MAPK10: variants seen among roughly 807,000 people sequenced by gnomAD.
MAPK10 encodes mitogen-activated protein kinase 10.
A neutral mutation model predicts 59.3 loss-of-function variants in MAPK10; 25 were observed. The observed-to-expected ratio is 0.42, with a 90% CI of 0.31 to 0.59. The LOEUF is 0.59. Among genes scored for constraint, MAPK10 ranks in the 20% least tolerant of loss-of-function variants. The pLI is 0.15. For synonymous variants in MAPK10, 190 were observed against 200.5 expected (o/e 0.95, Z 0.44); for missense variants, 351 against 568.9 (o/e 0.62, Z 3.90).
chr4:86,394,952 T>C (rs1338686094), intron 1 of MAPK10, among the ~76,000 whole-genome samples: 8 of 152,194 alleles, frequency 5.3e-5, no homozygotes, highest in Admixed American at 3.9e-4. Flanking sequence ...TTCACGCACC[T>C]GTGCCCATTC....
chr4:86,182,865 A>C (rs1435610632), intron 3 of MAPK10, among the ~76,000 whole-genome samples: 1 of 152,096 alleles, frequency 6.6e-6, no homozygotes, highest in Non-Finnish European at 1.5e-5. Flanking sequence ...AAAAGCTCAT[A>C]ATAAGCAAGA....
chr4:86,089,254 T>C, intron 9 of MAPK10: 1 of 1,612,728 alleles, frequency 6.2e-7, no homozygotes, highest in East Asian at 2.2e-5. Flanking sequence ...TCTCCCATGA[T>C]GCACCCTACT....
Position 86,107,323 on chromosome 4 carries a change from T to C in MAPK10, c.266A>G (p.Asn89Ser), listed in dbSNP as rs1207966403. The C allele has an allele frequency of 1.2e-6, 2 of 1,613,168 alleles. No homozygotes were observed. The highest frequency in any genetic ancestry group is 1.3e-5 in the African/African-American group (1 of 74,862). ...CAAYDAVLDR[N>S]VAIKKLSRPF... ...TCTGCTGAGCTTCTTAATGGCCACA[T>C]TTCTGTCAAGGACAGCATCATACGC... is the stretch of plus-strand genomic sequence containing the variant. Residue 89 changes from asparagine (N) to serine (S), a missense_variant, in exon 5 of 14, where the codon AAT (asparagine) becomes AGT (serine). Physicochemically the swap from Asn to Ser is conservative, Grantham distance 46. Around this residue, in one of 5 missense-constraint regions of MAPK10, gnomAD observed 51 missense variants for 72.7 expected, o/e 0.70. Coordinates refer to ENST00000641462, the MANE Select transcript of MAPK10 (RefSeq NM_138982.4).
intron 9 of MAPK10, among the ~76,000 whole-genome samples, chr4:86,070,647 T>A (rs1451993971): frequency 6.7e-6 from 1 of 150,336 alleles, no homozygotes; most frequent in African/African-American, 2.4e-5. Context: ...CGGTGTTTGG[T>A]TTTTTGTTCT....
At position 86,589,999 on chromosome 4, in the gene MAPK10, A is replaced by G. The variant is rs970203327; in HGVS notation, c.-263+3911T>C. ...ACTCCATCTTAAAAAAAAAAAAAAA[A>G]GGGAATAGCAAAGACTTGGAAATAA... On this transcript the variant is annotated intron_variant, in intron 1 of 4. Transcript: ENST00000502302. Among the ~76,000 whole-genome samples, 379 of 151,398 alleles carry G rather than the reference A, an allele frequency of 2.5e-3. 1 individual carries two copies. The highest frequency in any genetic ancestry group is 8.7e-3 in the African/African-American group (361 of 41,330).
At chr4:86,514,546 T>C (rs1320385227) in intron 1 of MAPK10, among the ~76,000 whole-genome samples, 2 of 152,196 alleles carry the variant, frequency 1.3e-5, no homozygotes, top group African/African-American at 4.8e-5. Context: ...ATAGTGTACT[T>C]AAAACACTCT....
At chr4:86,154,741 C>G (rs1246254540) in intron 4 of MAPK10, among the ~76,000 whole-genome samples, 1 of 151,874 alleles carries the variant, frequency 6.6e-6, no homozygotes, top group Non-Finnish European at 1.5e-5. Flanking sequence ...CACTGATAAA[C>G]CACAATGGGA....
At chr4:86,165,518 AG>A (rs1193038917) in intron 3 of MAPK10, among the ~76,000 whole-genome samples, 2 of 131,032 alleles carry the variant, frequency 1.5e-5, no homozygotes, top group African/African-American at 5.6e-5. Context: ...CTGATACTAT[AG>A]GCACATGCCA....
intron 1 of MAPK10, among the ~76,000 whole-genome samples, chr4:86,367,938 ATAAAT>A (rs1336459184): frequency 2.0e-5 from 3 of 152,168 alleles, no homozygotes; most frequent in Non-Finnish European, 2.9e-5. Flanking sequence ...TATTACATTA[ATAAAT>A]TAAAGGTGCT....
intron 1 of MAPK10, among the ~76,000 whole-genome samples, chr4:86,377,167 G>C (rs868715455): frequency 1.8e-4 from 27 of 152,282 alleles, no homozygotes; most frequent in African/African-American, 6.3e-4. Context: ...GCTTAAGATT[G>C]TCATTGTCTC....
intron 1 of MAPK10, among the ~76,000 whole-genome samples, chr4:86,394,922 C>T (rs577888144): frequency 1.1e-4 from 17 of 152,256 alleles, no homozygotes; most frequent in Non-Finnish European, 2.1e-4. Context: ...GCTGCTCTAG[C>T]GGCTGAGGGT....
chr4:86,098,026 T>C (rs1384485088), intron 9 of MAPK10, among the ~76,000 whole-genome samples: 1 of 152,144 alleles, frequency 6.6e-6, no homozygotes, highest in African/African-American at 2.4e-5. Flanking sequence ...GAGGAAGATA[T>C]GCTATATTGA....
intron 13 of MAPK10, 90 bp downstream of exon 13, chr4:86,029,107 G>A: frequency 1.2e-6 from 1 of 826,856 alleles, no homozygotes; most frequent in South Asian, 1.3e-5. Context: ...TGCTCTTTAA[G>A]CAATGTTATG....
At chr4:86,583,863 A>T (rs1357947493) in intron 1 of MAPK10, among the ~76,000 whole-genome samples, 2 of 152,172 alleles carry the variant, frequency 1.3e-5, no homozygotes, top group Non-Finnish European at 2.9e-5. Context: ...ATCTAAATTG[A>T]GGTACCCACC....
At chr4:86,347,110 C>T (rs1166032080) in intron 2 of MAPK10, among the ~76,000 whole-genome samples, 1 of 152,028 alleles carries the variant, frequency 6.6e-6, no homozygotes, top group East Asian at 1.9e-4. Flanking sequence ...CACCTGGGCC[C>T]TCCAAAAGTA....
chr4:86,107,192 C>T, intron 5 of MAPK10, 31 bp downstream of exon 5: 1 of 1,578,296 alleles, frequency 6.3e-7, no homozygotes, highest in South Asian at 1.1e-5. Context: ...CAAACTCCCA[C>T]TGCCAGAAGT....
chr4:86,402,190 G>A (rs1348023275), intron 1 of MAPK10, among the ~76,000 whole-genome samples: 1 of 151,550 alleles, frequency 6.6e-6, no homozygotes, highest in South Asian at 2.1e-4. Context: ...TCACTTCACT[G>A]GGAAAATATG....
chr4:86,362,097 T>G (rs1252725346), upstream of MAPK10, among the ~76,000 whole-genome samples: 1 of 152,154 alleles, frequency 6.6e-6, no homozygotes, highest in Non-Finnish European at 1.5e-5. Context: ...TGAGCCTGAT[T>G]TGATCATTCT....
intron 1 of MAPK10, among the ~76,000 whole-genome samples, chr4:86,462,079 C>T (rs1431903234): frequency 6.6e-6 from 1 of 152,146 alleles, no homozygotes; most frequent in Non-Finnish European, 1.5e-5. Flanking sequence ...CAATATTTGT[C>T]CCCCGCCACA....
Sources: gnomAD v4.1 joint callset for allele counts (sites outside exome capture counted in the v4.1 genomes callset) on GRCh38, gnomAD v4.1.1 for gene constraint, gnomAD v4.1.1 regional missense constraint, MANE v1.5 for transcripts, NCBI Gene and HGNC (gene_info 2026-07-23, HGNC 2026-07-21) for gene names.